Variants in PTK2 observed in about 807,000 individuals in gnomAD.
PTK2 encodes the protein protein tyrosine kinase 2, also known as focal adhesion kinase 1.
A neutral mutation model predicts 150.1 loss-of-function variants in PTK2; 45 were observed. That is an observed-to-expected ratio of 0.30 (90% CI 0.24 to 0.38). The LOEUF (loss-of-function observed/expected upper bound fraction) is 0.38. PTK2 is among the 10% of genes least tolerant of loss of function. The probability of loss-of-function intolerance (pLI) is 1.00; values close to 1 mark genes in which losing one functional copy is unlikely to be tolerated. For missense variants in PTK2, 919 were observed against 1,307.3 expected (o/e 0.70, Z 4.58); for synonymous variants, 432 against 449.2 (o/e 0.96, Z 0.48).
intron 1 of PTK2, among the ~76,000 whole-genome samples, chr8:141,000,549 C>G (rs1179103969): frequency 6.6e-6 from 1 of 152,178 alleles, no homozygotes; most frequent in Non-Finnish European, 1.5e-5. Context: ...ATTGGGTCCG[C>G]TCCGGCGGAG....
intron 2 of PTK2, among the ~76,000 whole-genome samples, chr8:140,904,425 C>T (rs1467140773): frequency 6.6e-6 from 1 of 152,184 alleles, no homozygotes; most frequent in South Asian, 2.1e-4. Context: ...ATTTTCGCAT[C>T]GATGTTCATC....
rs147607383 is a variant in PTK2 at position 140,804,389 on chromosome 8, C to T, written c.868-739G>A. Among the ~76,000 whole-genome samples, 942 of 151,566 alleles carry T rather than the reference C, an allele frequency of 6.2e-3. 15 individuals carry two copies. The highest frequency in any genetic ancestry group is 0.021 in the African/African-American group (866 of 41,282). ...GATCCCTTGAGGCCAGGAGTTCAAGCAGCCTGGGCAACATAGTGAGACCCT... is the reference window on the plus strand; with the variant it reads ...GATCCCTTGAGGCCAGGAGTTCAAGTAGCCTGGGCAACATAGTGAGACCCT... On this transcript the variant is annotated intron_variant, in intron 10 of 31. Transcript: ENST00000522684.
At chr8:140,830,059 A>G (rs2100114379) in intron 8 of PTK2, among the ~76,000 whole-genome samples, 1 of 141,922 alleles carries the variant, frequency 7.0e-6, no homozygotes, top group Non-Finnish European at 1.5e-5. Context: ...GACCTTCAAA[A>G]TGCACTAACA....
chr8:140,853,669 C>A (rs538569098), intron 5 of PTK2, among the ~76,000 whole-genome samples: 1 of 152,232 alleles, frequency 6.6e-6, no homozygotes, highest in East Asian at 1.9e-4. Context: ...ATGAGTGTCA[C>A]ACCCTTTATT....
intron 17 of PTK2, 40 bp from the exon 21 acceptor site, chr8:140,746,900 T>C: frequency 1.4e-6 from 2 of 1,424,058 alleles, no homozygotes; most frequent in Admixed American, 1.9e-5. Context: ...TTCTTTTTTT[T>C]TTTTTTTTTT....
chr8:140,900,596 C>T (rs1433468906), intron 2 of PTK2, among the ~76,000 whole-genome samples: 2 of 152,012 alleles, frequency 1.3e-5, no homozygotes, highest in Non-Finnish European at 2.9e-5. Flanking sequence ...GTATCACATG[C>T]CTGTAATCCC....
chr8:140,988,235 T>C (rs543695546), intron 1 of PTK2, among the ~76,000 whole-genome samples: 3 of 152,124 alleles, frequency 2.0e-5, no homozygotes, highest in Non-Finnish European at 2.9e-5. Context: ...CCAAACAACA[T>C]CTGGAAGAAT....
At chr8:140,702,857 T>C in intron 24 of PTK2, 150 bp from the exon 28 acceptor site, 1 of 919,878 alleles carries the variant, frequency 1.1e-6, no homozygotes. Context: ...CCCTTGAACA[T>C]GTGAATATGT....
chr8:140,966,859 A>C (rs948439848), intron 1 of PTK2, among the ~76,000 whole-genome samples: 2 of 152,178 alleles, frequency 1.3e-5, no homozygotes, highest in Admixed American at 6.5e-5. Flanking sequence ...CTACAAACTA[A>C]AATTTTCCAT....
intron 26 of PTK2, among the ~76,000 whole-genome samples, chr8:140,694,861 TCAC>T (rs2100025519): frequency 6.6e-6 from 1 of 152,182 alleles, no homozygotes; most frequent in South Asian, 2.1e-4. Flanking sequence ...GCTGCCACCA[TCAC>T]CACTTGACAG....
At chr8:140,936,678 C>T (rs939358292) in intron 1 of PTK2, among the ~76,000 whole-genome samples, 2 of 152,082 alleles carry the variant, frequency 1.3e-5, no homozygotes, top group Non-Finnish European at 2.9e-5. Context: ...GAGCCATCTC[C>T]GAATGTGTCA....
chr8:140,983,189 C>A (rs1051728801), intron 1 of PTK2, among the ~76,000 whole-genome samples: 1 of 151,992 alleles, frequency 6.6e-6, no homozygotes, highest in African/African-American at 2.4e-5. Flanking sequence ...GAGTTTGAGA[C>A]CAGCCTGGCC....
intron 2 of PTK2, among the ~76,000 whole-genome samples, chr8:140,911,780 C>T (rs973127112): frequency 1.1e-4 from 16 of 151,878 alleles, no homozygotes; most frequent in African/African-American, 2.4e-4. Flanking sequence ...TATACATAAA[C>T]GTAAAAAGGG....
chr8:140,904,636 T>A (rs552671536), intron 2 of PTK2, among the ~76,000 whole-genome samples: 1 of 152,322 alleles, frequency 6.6e-6, no homozygotes, highest in South Asian at 2.1e-4. Context: ...CTGGGCTTTT[T>A]TTTGGTTGGT....
At chr8:140,790,990 T>C (rs1248051988) in intron 13 of PTK2, among the ~76,000 whole-genome samples, 1 of 152,236 alleles carries the variant, frequency 6.6e-6, no homozygotes, top group Non-Finnish European at 1.5e-5. Context: ...TCACGATAGC[T>C]TGGATTTCAG....
At chr8:140,817,307 G>A (rs1165367397) in intron 10 of PTK2, among the ~76,000 whole-genome samples, 1 of 152,202 alleles carries the variant, frequency 6.6e-6, no homozygotes, top group Admixed American at 6.5e-5. Flanking sequence ...CAGGAGCTGA[G>A]CAGAGTGGGA....
chr8:140,669,900 T>C (rs2094609764), intron 29 of PTK2, 165 bp from the exon 33 acceptor site: 1 of 765,560 alleles, frequency 1.3e-6, no homozygotes, highest in Non-Finnish European at 2.1e-6. Context: ...TCACTCACTG[T>C]TGCCAGGGTG....
intron 1 of PTK2, among the ~76,000 whole-genome samples, chr8:140,990,676 T>C (rs1229471186): frequency 6.6e-6 from 1 of 152,202 alleles, no homozygotes; most frequent in Admixed American, 6.5e-5. Flanking sequence ...ATCCTTCTCA[T>C]TGTTTTTAGA....
intron 26 of PTK2, 62 bp from the exon 30 acceptor site, chr8:140,686,756 T>A: frequency 7.1e-7 from 1 of 1,410,354 alleles, no homozygotes; most frequent in Non-Finnish European, 9.9e-7. Context: ...TTTGACAGAT[T>A]CTGTATTAAA....
Sources: allele counts gnomAD v4.1 joint callset (sites outside exome capture counted in the v4.1 genomes callset), GRCh38; gene constraint gnomAD v4.1.1; transcripts MANE v1.5; gene names NCBI Gene and HGNC (gene_info 2026-07-23, HGNC 2026-07-21).